PTPRD: variants seen among roughly 807,000 people sequenced by gnomAD.
PTPRD encodes receptor-type tyrosine-protein phosphatase delta.
In PTPRD, 34 loss-of-function variants were observed where a neutral mutation model predicts 214.5. The ratio of observed to expected loss-of-function variants is 0.16; its 90% CI spans 0.12 to 0.21. The LOEUF is 0.21. Among genes scored for constraint, PTPRD ranks in the 10% least tolerant of loss-of-function variants. PTPRD has a pLI of 1.00. For synonymous variants in PTPRD, 1,128 were observed against 845.7 expected (o/e 1.33, Z -5.79); for missense variants, 2,545 against 2,398.7 (o/e 1.06, Z -1.27).
chr9:8,892,725 AT>A (rs201706438), intron 11 of PTPRD, among the ~76,000 whole-genome samples: 2,590 of 149,902 alleles, frequency 0.017, 99 homozygotes, highest in African/African-American at 0.06. Flanking sequence ...GTGTATATAT[AT>A]ATATATGTAT....
intron 10 of PTPRD, among the ~76,000 whole-genome samples, chr9:9,092,692 T>A (rs907902402): frequency 6.6e-6 from 1 of 152,114 alleles, no homozygotes; most frequent in Non-Finnish European, 1.5e-5. Context: ...ACAATGGATC[T>A]GAAACCACTA....
chr9:10,276,393 G>A (rs2094693258), intron 3 of PTPRD, among the ~76,000 whole-genome samples: 1 of 152,102 alleles, frequency 6.6e-6, no homozygotes, highest in Non-Finnish European at 1.5e-5. Flanking sequence ...CTCATTAAAA[G>A]AGAACTCAGT....
chr9:8,330,584 T>A (rs370413687), intron 44 of PTPRD, among the ~76,000 whole-genome samples: 12 of 151,856 alleles, frequency 7.9e-5, no homozygotes, highest in African/African-American at 2.7e-4. Context: ...AAAGCAAATG[T>A]ACATAGATAA....
intron 2 of PTPRD, among the ~76,000 whole-genome samples, chr9:10,346,247 C>A (rs918836233): frequency 3.3e-5 from 5 of 152,216 alleles, no homozygotes; most frequent in Middle Eastern, 3.4e-3. Context: ...AAAACAAGAA[C>A]CTGTGTTCCT....
chr9:8,422,263 A>C (rs2094420218), intron 35 of PTPRD, among the ~76,000 whole-genome samples: 1 of 151,996 alleles, frequency 6.6e-6, no homozygotes, highest in African/African-American at 2.4e-5. Context: ...TTTCTCCCTA[A>C]AACTGCCTTA....
intron 2 of PTPRD, among the ~76,000 whole-genome samples, chr9:10,353,234 T>C (rs2097212131): frequency 6.6e-6 from 1 of 151,950 alleles, no homozygotes; most frequent in Non-Finnish European, 1.5e-5. Context: ...TGTGGTCATA[T>C]TAATGGTGTT....
rs147489962 is a variant in PTPRD, at chr9:10,476,225, T to A, written c.-599-135208A>T. ...GTTTGCAGATGACATGATTGTATAT[T>A]TAGAAAACCCCATAGTCTCAGCCCA... is the stretch of plus-strand genomic sequence containing the variant. On this transcript the variant is annotated intron_variant, in intron 2 of 45. Transcript: ENST00000381196. Among the ~76,000 whole-genome samples the A allele has an allele frequency of 4.0e-3, 610 of 152,098 alleles. 6 individuals are homozygous for A. The highest frequency in any genetic ancestry group is 0.014 in the African/African-American group (580 of 41,504).
chr9:9,865,471 C>T (rs1360908229), intron 5 of PTPRD, among the ~76,000 whole-genome samples: 3 of 152,160 alleles, frequency 2.0e-5, no homozygotes, highest in African/African-American at 7.2e-5. Context: ...TGCCATGTGA[C>T]ACTCTGTGTC....
chr9:9,835,745 GA>G (rs1171790763), intron 5 of PTPRD, among the ~76,000 whole-genome samples: 1 of 152,014 alleles, frequency 6.6e-6, no homozygotes, highest in African/African-American at 2.4e-5. Context: ...ACCAGCACAG[GA>G]CTCCATCATA....
intron 10 of PTPRD, among the ~76,000 whole-genome samples, chr9:9,047,064 G>T (rs905481876): frequency 6.6e-6 from 1 of 152,106 alleles, no homozygotes; most frequent in Non-Finnish European, 1.5e-5. Flanking sequence ...ATTCAGTAAA[G>T]TTGCAGAATA....
At chr9:9,920,186 CTG>C (rs2082161990) in intron 5 of PTPRD, among the ~76,000 whole-genome samples, 1 of 152,114 alleles carries the variant, frequency 6.6e-6, no homozygotes, top group African/African-American at 2.4e-5. Context: ...TGATGAGACA[CTG>C]TGCAAACGTT....
intron 7 of PTPRD, among the ~76,000 whole-genome samples, chr9:9,601,989 G>A (rs1162779174): frequency 6.6e-6 from 1 of 152,036 alleles, no homozygotes; most frequent in Non-Finnish European, 1.5e-5. Flanking sequence ...AGTTTTAATT[G>A]AAGATTGGCA....
intron 3 of PTPRD, among the ~76,000 whole-genome samples, chr9:10,205,331 G>A (rs905095448): frequency 6.6e-5 from 10 of 151,462 alleles, no homozygotes; most frequent in African/African-American, 2.4e-4. Context: ...ATAAAGTTGT[G>A]AAAGATTCCT....
chr9:9,181,394 G>A (rs2099928109), intron 10 of PTPRD, among the ~76,000 whole-genome samples: 1 of 151,754 alleles, frequency 6.6e-6, no homozygotes, highest in Admixed American at 6.6e-5. Context: ...GTTTTGAGAA[G>A]GTGAACTGCT....
At chr9:8,844,848 A>G (rs1566558013) in intron 11 of PTPRD, among the ~76,000 whole-genome samples, 1 of 152,170 alleles carries the variant, frequency 6.6e-6, no homozygotes, top group Non-Finnish European at 1.5e-5. Context: ...AGTTGGTGTT[A>G]TTATTTAATG....
At chr9:9,175,902 C>A (rs969177101) in intron 10 of PTPRD, among the ~76,000 whole-genome samples, 4 of 151,986 alleles carry the variant, frequency 2.6e-5, no homozygotes, top group Non-Finnish European at 2.9e-5. Flanking sequence ...CTTAATGCCC[C>A]AAATCTGTAG....
chr9:8,550,771 C>G (rs1449635131), intron 14 of PTPRD, among the ~76,000 whole-genome samples: 1 of 152,224 alleles, frequency 6.6e-6, no homozygotes, highest in Non-Finnish European at 1.5e-5. Flanking sequence ...ACAGCTTTAA[C>G]TATGAGAACT....
intron 14 of PTPRD, among the ~76,000 whole-genome samples, chr9:8,613,263 G>A (rs1404498924): frequency 6.6e-6 from 1 of 152,074 alleles, no homozygotes; most frequent in Non-Finnish European, 1.5e-5. Context: ...TTTTAAAAGA[G>A]AAATGGCATT....
intron 5 of PTPRD, among the ~76,000 whole-genome samples, chr9:9,844,859 T>C (rs912716957): frequency 6.6e-6 from 1 of 151,478 alleles, no homozygotes; most frequent in African/African-American, 2.4e-5. Flanking sequence ...TTTTATTTTA[T>C]AAACTGAAAA....
Sources: gnomAD v4.1 joint callset for allele counts (sites outside exome capture counted in the v4.1 genomes callset) on GRCh38, gnomAD v4.1.1 for gene constraint, MANE v1.5 for transcripts, NCBI Gene and HGNC (gene_info 2026-07-23, HGNC 2026-07-21) for gene names.